GTPBP3: variants seen among roughly 807,000 people sequenced by gnomAD.
The protein encoded by GTPBP3 is GTP binding protein 3, mitochondrial.
Under a neutral mutation model 42.0 loss-of-function variants are expected in GTPBP3, and 35 were observed. That is an observed-to-expected ratio of 0.83 (90% confidence interval 0.64 to 1.10). The LOEUF is 1.10. GTPBP3 is among the 50% of genes least tolerant of loss of function. The probability of loss-of-function intolerance (pLI) is 0.00; values close to 1 mark genes in which losing one functional copy is unlikely to be tolerated. For synonymous variants in GTPBP3, 332 were observed against 314.9 expected, an observed-to-expected ratio of 1.05 and a Z score of -0.58; for missense variants, 691 against 685.2, an observed-to-expected ratio of 1.01 and a Z score of -0.09.
chr19:17,339,529 A>G lies in GTPBP3; in HGVS notation c.904A>G (p.Ser302Gly). Reference sequence around the variant, plus strand: ...CCTGGCCGGATTTCCTGTGCTGCTGAGCGACACGGCTGGGTTGCGGGAGGG... The same window carrying G: ...CCTGGCCGGATTTCCTGTGCTGCTGGGCGACACGGCTGGGTTGCGGGAGGG... ...VDLAGFPVLL[S>G]DTAGLREGVG... The change falls in exon 7 of 9, where the codon AGC (serine) becomes GGC (glycine). Residue 302 changes from serine to glycine, a missense_variant. Ser to Gly is a moderately conservative substitution (Grantham distance 56, BLOSUM62 0). Transcript: ENST00000324894. 1 of 1,613,690 alleles carries G rather than the reference A, an allele frequency of 6.2e-7. No homozygotes were observed. Among genetic ancestry groups the G allele is most frequent in the Middle Eastern group, 1.6e-4 (1 of 6,062 alleles).
intron 2 of GTPBP3, 40 bp from the exon 3 acceptor site, chr19:17,338,325 C>G: frequency 1.2e-6 from 2 of 1,611,520 alleles, no homozygotes; most frequent in Non-Finnish European, 1.7e-6. Flanking sequence ...AGGGTTTGCA[C>G]TGGCTGTGCT....
In GTPBP3 at chr19:17,338,403, C is replaced by G; in HGVS notation, c.340C>G (p.His114Asp). ...CACCGGTGAGGACTGCGTGGAGTTCCACGTGCATGGAGGCCCGGCAGTGGT... is the reference window on the plus strand; with the variant it reads ...CACCGGTGAGGACTGCGTGGAGTTCGACGTGCATGGAGGCCCGGCAGTGGT... ...SFTGEDCVEF[H>D]VHGGPAVVSG... The change falls in exon 3 of 9, where the codon CAC becomes GAC. Residue 114 changes from histidine (H) to aspartate (D), a missense_variant. Coordinates refer to ENST00000324894, the MANE Select transcript of GTPBP3 (RefSeq NM_032620.4). The G allele has an allele frequency of 6.2e-7, 1 of 1,614,174 alleles. No individual in the cohort carries two copies. Among genetic ancestry groups the G allele is most frequent in the Non-Finnish European group, 8.5e-7 (1 of 1,180,046 alleles).
intron 1 of GTPBP3, 155 bp from the exon 2 acceptor site, chr19:17,337,853 C>A: frequency 2.5e-6 from 3 of 1,205,926 alleles, no homozygotes; most frequent in Non-Finnish European, 2.3e-6. Flanking sequence ...GTCCCTAATC[C>A]GGTCACCCTT....
At chr19:17,337,547 G>A (rs1362168502), upstream of GTPBP3, 2 of 1,290,960 alleles carry the variant, frequency 1.5e-6, no homozygotes, top group African/African-American at 1.5e-5. Flanking sequence ...GAGTGGGCGG[G>A]GCCCCCTGCC....
upstream of GTPBP3, chr19:17,335,072 C>A: frequency 6.5e-7 from 1 of 1,536,160 alleles, no homozygotes; most frequent in Non-Finnish European, 8.7e-7. Context: ...CTCAGTTTCC[C>A]CATCTGCAAA....
rs2145707422 is a variant in GTPBP3, at chr19:17,341,697, C to T, written c.1473C>T (p.Gly491=). The T allele has an allele frequency of 6.4e-7, 1 of 1,573,766 alleles. No individual in the cohort carries two copies. The highest frequency in any genetic ancestry group is 1.3e-5 in the African/African-American group (1 of 74,158). Reference sequence around the variant, plus strand: ...TCATCTTCCAGGACTTCTGTGTGGGCAAGTGACGGGATCCAGGGAAGTCGC... The same window carrying T: ...TCATCTTCCAGGACTTCTGTGTGGGTAAGTGACGGGATCCAGGGAAGTCGC... ...LDIIFQDFCV[G]K is the part of the protein sequence containing the mutation. The change falls in exon 9 of 9, where the codon GGC becomes GGT. Residue 491 remains glycine, a synonymous_variant. Transcript: ENST00000324894.
chr19:17,339,621 G>T, intron 7 of GTPBP3, 22 bp downstream of exon 7: 1 of 1,581,610 alleles, frequency 6.3e-7, no homozygotes, highest in East Asian at 2.3e-5. Context: ...GGGTGGTGAT[G>T]GGAGGGGAAC....
At position 17,338,160 on chromosome 19, in the gene GTPBP3, G is replaced by A; in HGVS notation, c.206G>A (p.Arg69Gln). The A allele has an allele frequency of 6.3e-7, 1 of 1,594,424 alleles. No homozygotes were observed. Among genetic ancestry groups the A allele is most frequent in the Non-Finnish European group, 8.5e-7 (1 of 1,177,112 alleles). The change falls in exon 2 of 9, where the codon CGA becomes CAA. Residue 69 changes from arginine (R) to glutamine (Q), a missense_variant. Transcript: ENST00000324894. ...GHALRILTAP[R>Q]DLPLARHASL... ...GCCCTCCGAATTCTCACAGCACCCC[G>A]AGACCTGCCCCTTGCTCGCCACGCC...
rs2074392366 is a variant in GTPBP3 at position 17,338,574 on chromosome 19, G to A, written c.424G>A (p.Glu142Lys). 6.2e-7 allele frequency: 1 copy of A among 1,613,970 alleles called. No individual in the cohort carries two copies. The highest frequency in any genetic ancestry group is 8.5e-7 in the Non-Finnish European group (1 of 1,179,910). The change falls in exon 4 of 9, where the codon GAG becomes AAG. Residue 142 changes from glutamate (E) to lysine (K), a missense_variant. Glu to Lys is a moderately conservative substitution (Grantham distance 56, BLOSUM62 1). Transcript: ENST00000324894. ...AGGGCTTCGACCGGCGGAGGCAGGC[G>A]AGTTCACCAGACGGGCGTTCGCCAA... ...VPGLRPAEAG[E>K]FTRRAFANGK...
chr19:17,339,371 G>A, intron 6 of GTPBP3, 63 bp from the exon 7 acceptor site: 2 of 1,595,886 alleles, frequency 1.3e-6, no homozygotes, highest in Non-Finnish European at 1.7e-6. Flanking sequence ...CAGACATGGG[G>A]TAGAACCTGG....
chr19:17,340,952 A>C, intron 7 of GTPBP3, 92 bp from the exon 8 acceptor site: 2 of 1,378,320 alleles, frequency 1.5e-6, no homozygotes, highest in East Asian at 2.5e-5. Context: ...CAGCTCCCCC[A>C]GTGCTCTGCC....
rs1203805002 is a variant in GTPBP3 at position 17,341,124 on chromosome 19, C to CCGT, written c.1059_1061dup (p.Val354dup). On this transcript the variant is annotated inframe_insertion, in exon 8 of 9. Transcript: ENST00000324894. ...CCCTCCAGTTGCAACTTCCTGGCCA[C>CCGT]CGTCGTAGCCTCTGTGGGAGCCCAG... 1 of 1,613,734 alleles carries CCGT rather than the reference C, an allele frequency of 6.2e-7. No individual in the cohort carries two copies. The highest frequency in any genetic ancestry group is 8.5e-7 in the Non-Finnish European group (1 of 1,180,030).
chr19:17,335,477 T>G (rs913458750), upstream of GTPBP3, among the ~76,000 whole-genome samples: 7 of 152,062 alleles, frequency 4.6e-5, no homozygotes, highest in African/African-American at 1.7e-4. Flanking sequence ...GGAGAATCGC[T>G]TGTGCTCAGG....
chr19:17,335,890 GCAGATGAAATATAAATATGT>G (rs1374138644), upstream of GTPBP3, among the ~76,000 whole-genome samples: 1 of 97,262 alleles, frequency 1.0e-5, no homozygotes, highest in Non-Finnish European at 2.1e-5. Flanking sequence ...CTAGAGAATG[GCAGATGAAATATAAATATGT>G]CATCATTTGT....
In GTPBP3 at chr19:17,338,214, C is replaced by A; in HGVS notation, c.260C>A (p.Ser87Tyr). Residue 87 changes from serine to tyrosine, a missense_variant, in exon 2 of 9, where the codon TCC (serine) becomes TAC (tyrosine). By Grantham distance (144) the Ser-to-Tyr change is moderately radical (BLOSUM62 -2). Coordinates refer to ENST00000324894, the MANE Select transcript of GTPBP3 (RefSeq NM_032620.4). ...CTGCGCCTGCTCAGCGATCCCCGCT[C>A]CGGGGAGCCTCTGGACCGCGCACTG... ...ASLRLLSDPR[S>Y]GEPLDRALVL... 1 of 1,583,590 alleles carries A rather than the reference C, an allele frequency of 6.3e-7. No individual in the cohort carries two copies. The highest frequency in any genetic ancestry group is 8.5e-7 in the Non-Finnish European group (1 of 1,170,868).
Position 17,338,658 on chromosome 19 carries a change from G to C in GTPBP3, c.508G>C (p.Glu170Gln). Residue 170 changes from glutamate to glutamine, a missense_variant, in exon 4 of 9, where the codon GAG (glutamate) becomes CAG (glutamine). Coordinates refer to ENST00000324894, the MANE Select transcript of GTPBP3 (RefSeq NM_032620.4). Reference sequence around the variant, plus strand: ...GGCGGACCTTATCCACGCGGAAACAGAGGCGCAGCGGCGGCAGGCCCTCAG... The same window carrying C: ...GGCGGACCTTATCCACGCGGAAACACAGGCGCAGCGGCGGCAGGCCCTCAG... ...GLADLIHAET[E>Q]AQRRQALRQL... 1.2e-6 allele frequency: 2 copies of C among 1,613,902 alleles called. No individual in the cohort carries two copies. The highest frequency in any genetic ancestry group is 1.7e-6 in the Non-Finnish European group (2 of 1,179,946).
At chr19:17,336,192 C>A (rs912470932), upstream of GTPBP3, among the ~76,000 whole-genome samples, 9 of 140,686 alleles carry the variant, frequency 6.4e-5, no homozygotes, top group East Asian at 2.2e-4. Context: ...GTCTAGATCG[C>A]GCCACTGAAC....
chr19:17,340,677 C>T (rs2074420396), intron 7 of GTPBP3, among the ~76,000 whole-genome samples: 1 of 151,348 alleles, frequency 6.6e-6, no homozygotes, highest in Admixed American at 6.6e-5. Flanking sequence ...TGCTCTTCCC[C>T]CTGCACAGTG....
chr19:17,340,274 T>G (rs1187224658), intron 7 of GTPBP3, among the ~76,000 whole-genome samples: 1 of 151,668 alleles, frequency 6.6e-6, no homozygotes, highest in Non-Finnish European at 1.5e-5. Flanking sequence ...TGATCTCAGG[T>G]GACCCGCCTG....
Sources: allele counts gnomAD v4.1 joint callset (sites outside exome capture counted in the v4.1 genomes callset), GRCh38; gene constraint gnomAD v4.1.1; transcripts MANE v1.5; gene names NCBI Gene and HGNC (gene_info 2026-07-23, HGNC 2026-07-21).